The following MB21D2 variants were observed in gnomAD, a reference collection of about 807,000 sequenced individuals.
MB21D2 encodes the protein nucleotidyltransferase MB21D2.
Under a neutral mutation model 33.3 loss-of-function variants are expected in MB21D2, and 9 were observed. The ratio of observed to expected loss-of-function variants is 0.27; its 90% CI spans 0.16 to 0.47. The LOEUF is 0.47. Ranked by LOEUF, MB21D2 falls within the 20% of genes least tolerant of loss-of-function variation. MB21D2 has a pLI of 0.99. For missense variants in MB21D2, 540 were observed against 624.6 expected (o/e 0.86, Z 1.44); for synonymous variants, 241 against 236.3 (o/e 1.02, Z -0.18).
chr3:192,914,068 A>C (rs1378771392), intron 1 of MB21D2, among the ~76,000 whole-genome samples: 1 of 152,138 alleles, frequency 6.6e-6, no homozygotes, highest in Non-Finnish European at 1.5e-5. Flanking sequence ...TTTTAAAACA[A>C]AGCCTTTCCT....
Position 192,798,458 on chromosome 3 carries a change from C to T in MB21D2, c.1404G>A (p.Lys468=). 6.2e-7 allele frequency: 1 copy of T among 1,614,190 alleles called. No individual in the cohort carries two copies. Among genetic ancestry groups the T allele is most frequent in the Non-Finnish European group, 8.5e-7 (1 of 1,180,040 alleles). ...CAGGATTGATAAAGACAGAGATTGACTTTCCCGGGTTCTCAGTCACTAGCT... is the reference window on the plus strand; with the variant it reads ...CAGGATTGATAAAGACAGAGATTGATTTTCCCGGGTTCTCAGTCACTAGCT... ...LQQLVTENPG[K]SISVFINPDD... The change falls in exon 2 of 2, where the codon AAG becomes AAA. Residue 468 remains lysine (K), a synonymous_variant. Coordinates refer to ENST00000392452, the MANE Select transcript of MB21D2 (RefSeq NM_178496.4). The surrounding 1 kb of genome is among the most constrained non-coding windows in gnomAD (Gnocchi z 4.8).
intron 1 of MB21D2, among the ~76,000 whole-genome samples, chr3:192,857,935 G>A (rs1712954271): frequency 6.6e-6 from 1 of 152,092 alleles, no homozygotes; most frequent in Non-Finnish European, 1.5e-5. Context: ...GACCAGCCTG[G>A]CCAACATGGA....
At chr3:192,858,755 C>G (rs946594917) in intron 1 of MB21D2, among the ~76,000 whole-genome samples, 4 of 152,156 alleles carry the variant, frequency 2.6e-5, no homozygotes, top group African/African-American at 9.7e-5. Context: ...TGCTCACAAT[C>G]TACTTGGAGA....
intron 1 of MB21D2, among the ~76,000 whole-genome samples, chr3:192,866,184 G>A (rs1330854157): frequency 6.6e-6 from 1 of 152,082 alleles, no homozygotes; most frequent in Non-Finnish European, 1.5e-5. Flanking sequence ...ATTATTTCAA[G>A]CTAATTGTTC....
intron 1 of MB21D2, among the ~76,000 whole-genome samples, chr3:192,890,476 G>A (rs1164000230): frequency 7.3e-5 from 11 of 151,708 alleles, no homozygotes; most frequent in African/African-American, 2.2e-4. Flanking sequence ...GGCTTAGCTT[G>A]TAAGGTCTGA....
In MB21D2 at chr3:192,828,645, T is replaced by TCC. The variant is rs1560232881; in HGVS notation, c.212-28996_212-28995insGG. 3.1e-4 allele frequency among the ~76,000 whole-genome samples: 12 copies of TCC among 38,756 alleles called. 1 individual carries two copies. Among genetic ancestry groups the TCC allele is most frequent in the Admixed American group, 6.7e-4 (2 of 2,968 alleles). The allele number at this position is 38,756 out of a possible 152,430, so 25.4% of individuals were successfully genotyped here. A position where few individuals can be genotyped will look rare whatever the true frequency, so the allele number is the denominator to read the frequency against. ...ATATATATATATATATATATATATATATATATATATATATATATTTTGAGA... is the reference window on the plus strand; with the variant it reads ...ATATATATATATATATATATATATATCCATATATATATATATATATTTTGAGA... On this transcript the variant is annotated intron_variant, in intron 1 of 1. Coordinates refer to ENST00000392452, the MANE Select transcript of MB21D2 (RefSeq NM_178496.4).
intron 1 of MB21D2, among the ~76,000 whole-genome samples, chr3:192,890,847 T>C (rs1188886921): frequency 1.3e-5 from 2 of 152,044 alleles, no homozygotes; most frequent in African/African-American, 4.8e-5. Flanking sequence ...CAGGAGTCCC[T>C]AAATACTAGG....
At chr3:192,810,456 GA>G (rs1336539284) in intron 1 of MB21D2, among the ~76,000 whole-genome samples, 1 of 149,260 alleles carries the variant, frequency 6.7e-6, no homozygotes, top group African/African-American at 2.4e-5. Flanking sequence ...GCTTTAAAAT[GA>G]TCCCAATTTA....
In MB21D2 at chr3:192,807,759, G is replaced by A. The variant is rs1340781396; in HGVS notation, c.212-8109C>T. On this transcript the variant is annotated intron_variant, in intron 1 of 1. Coordinates refer to ENST00000392452, the MANE Select transcript of MB21D2 (RefSeq NM_178496.4). ...TGAGCGTCTCCTATGAGCCAGTGCT[G>A]TGCTAGACACTGAAGAGACAAAGGT... 2.6e-5 allele frequency among the ~76,000 whole-genome samples: 4 copies of A among 152,270 alleles called. No individual in the cohort carries two copies. The East Asian group carries it at 7.7e-4, about 29-fold the overall frequency.
At chr3:192,857,754 A>G (rs1336652091) in intron 1 of MB21D2, among the ~76,000 whole-genome samples, 1 of 152,176 alleles carries the variant, frequency 6.6e-6, no homozygotes, top group Non-Finnish European at 1.5e-5. Context: ...CATCTGTGAC[A>G]TGGGACAAAG....
At chr3:192,828,622 ATATATATATATATATATATAT>A (rs1168558637) in intron 1 of MB21D2, among the ~76,000 whole-genome samples, 2 of 21,986 alleles carry the variant, frequency 9.1e-5, no homozygotes, top group Non-Finnish European at 1.5e-4. Flanking sequence ...ATATATATAT[ATATATATATATATATATATAT>A]ATATATATAT....
At chr3:192,895,129 G>A (rs779967078) in intron 1 of MB21D2, among the ~76,000 whole-genome samples, 9 of 152,244 alleles carry the variant, frequency 5.9e-5, no homozygotes, top group East Asian at 1.9e-4. Flanking sequence ...CATGGCTCCC[G>A]CTTCTCAAGG....
chr3:192,876,806 T>C (rs1364475062), intron 1 of MB21D2, among the ~76,000 whole-genome samples: 1 of 152,198 alleles, frequency 6.6e-6, no homozygotes, highest in East Asian at 1.9e-4. Flanking sequence ...TTGGTCTGGC[T>C]ACCTCCTACT....
At chr3:192,888,225 A>T (rs1713776064) in intron 1 of MB21D2, among the ~76,000 whole-genome samples, 1 of 152,164 alleles carries the variant, frequency 6.6e-6, no homozygotes, top group South Asian at 2.1e-4. Flanking sequence ...TGAACTCCTT[A>T]AATAGCCATG....
At chr3:192,822,626 G>A (rs988687474) in intron 1 of MB21D2, among the ~76,000 whole-genome samples, 10 of 152,164 alleles carry the variant, frequency 6.6e-5, no homozygotes, top group Admixed American at 1.3e-4. Context: ...ATTTTTCCCC[G>A]TGGCCATGGT....
At chr3:192,824,005 A>C (rs1047356239) in intron 1 of MB21D2, among the ~76,000 whole-genome samples, 6 of 152,224 alleles carry the variant, frequency 3.9e-5, no homozygotes, top group Non-Finnish European at 8.8e-5. Context: ...CAGTGAGTAC[A>C]AAAGACAATG....
intron 1 of MB21D2, among the ~76,000 whole-genome samples, chr3:192,854,789 T>C (rs771872622): frequency 1.3e-5 from 2 of 152,202 alleles, no homozygotes; most frequent in Non-Finnish European, 2.9e-5. Flanking sequence ...TTACACTAAA[T>C]CTACTCTGCC....
At chr3:192,898,751 T>C (rs1413374593) in intron 1 of MB21D2, among the ~76,000 whole-genome samples, 1 of 152,220 alleles carries the variant, frequency 6.6e-6, no homozygotes, top group Non-Finnish European at 1.5e-5. Flanking sequence ...TGCAAATTCA[T>C]AACCGACTGG....
At chr3:192,882,959 C>T (rs1434520169) in intron 1 of MB21D2, among the ~76,000 whole-genome samples, 1 of 152,030 alleles carries the variant, frequency 6.6e-6, no homozygotes, top group Non-Finnish European at 1.5e-5. Flanking sequence ...TCTCGAACTC[C>T]TGACCTCAGG....
Sources: allele counts gnomAD v4.1 joint callset (sites outside exome capture counted in the v4.1 genomes callset), GRCh38; gene constraint gnomAD v4.1.1; non-coding constraint Gnocchi (gnomAD v3.1); transcripts MANE v1.5; gene names NCBI Gene and HGNC (gene_info 2026-07-23, HGNC 2026-07-21).